The following MRPS28 variants were observed in gnomAD, a reference collection of about 807,000 sequenced individuals.
The protein encoded by MRPS28 is small ribosomal subunit protein bS1m.
A neutral mutation model predicts 10.8 loss-of-function variants in MRPS28; 7 were observed. The ratio of observed to expected loss-of-function variants is 0.65; its 90% CI spans 0.37 to 1.22. The LOEUF (loss-of-function observed/expected upper bound fraction) is 1.22. Ranked by LOEUF, MRPS28 falls within the 50% of genes most tolerant of loss-of-function variation. MRPS28 has a pLI of 0.02. For missense variants in MRPS28, 265 were observed against 232.9 expected (o/e 1.14, Z -0.90); for synonymous variants, 121 against 93.3 (o/e 1.30, Z -1.71).
chr8:79,928,804 T>TG (rs377256456), intron 2 of MRPS28, among the ~76,000 whole-genome samples: 151,096 of 151,116 alleles, frequency 1, 75,538 homozygotes, highest in Middle Eastern at 1. Context: ...CCCAGCACTT[T>TG]GGAGCTGAGT....
chr8:79,964,471 ATGAAATGTCAT>A (rs1807454168), intron 2 of MRPS28, among the ~76,000 whole-genome samples: 1 of 152,130 alleles, frequency 6.6e-6, no homozygotes, highest in Non-Finnish European at 1.5e-5. Flanking sequence ...CAATTGCTAA[ATGAAATGTCAT>A]TTCCCTAAGC....
chr8:80,029,376 T>A (rs1314977021), intron 1 of MRPS28, among the ~76,000 whole-genome samples: 1 of 152,246 alleles, frequency 6.6e-6, no homozygotes, highest in Admixed American at 6.5e-5. Context: ...TCATGTCTGC[T>A]GAGTTTAATT....
At chr8:79,947,711 T>C (rs1806960652) in intron 2 of MRPS28, among the ~76,000 whole-genome samples, 1 of 146,232 alleles carries the variant, frequency 6.8e-6, no homozygotes, top group African/African-American at 2.5e-5. Flanking sequence ...CTCAGGTTAC[T>C]GCAAGCTCCA....
intron 2 of MRPS28, among the ~76,000 whole-genome samples, chr8:79,995,725 A>T (rs1003465263): frequency 6.6e-6 from 1 of 152,190 alleles, no homozygotes; most frequent in Non-Finnish European, 1.5e-5. Flanking sequence ...GGAGTTTAGG[A>T]GCTGTCAGAA....
intron 2 of MRPS28, among the ~76,000 whole-genome samples, chr8:79,953,502 T>G (rs1272956327): frequency 6.6e-6 from 1 of 152,200 alleles, no homozygotes; most frequent in Non-Finnish European, 1.5e-5. Context: ...CTAGGCTAAC[T>G]GGATAATCAT....
intron 2 of MRPS28, among the ~76,000 whole-genome samples, chr8:79,983,817 C>G (rs368563945): frequency 2.6e-5 from 4 of 152,124 alleles, no homozygotes; most frequent in Non-Finnish European, 5.9e-5. Context: ...CTGAAAGTGA[C>G]GGGGAGAATG....
intron 2 of MRPS28, among the ~76,000 whole-genome samples, chr8:79,990,587 A>G (rs1369197268): frequency 6.6e-6 from 1 of 152,124 alleles, no homozygotes; most frequent in Admixed American, 6.5e-5. Flanking sequence ...TAAAACTTCC[A>G]TGTCATGGAA....
intron 2 of MRPS28, among the ~76,000 whole-genome samples, chr8:79,919,894 C>A (rs1351637529): frequency 6.6e-6 from 1 of 151,480 alleles, no homozygotes; most frequent in Non-Finnish European, 1.5e-5. Flanking sequence ...GTGTGCTGCA[C>A]CCATTAACTC....
At chr8:80,029,852 A>C in intron 1 of MRPS28, 184 bp downstream of exon 1, 1 of 1,535,244 alleles carries the variant, frequency 6.5e-7, no homozygotes, top group South Asian at 1.2e-5. Context: ...CAACGAAAGG[A>C]AGAAAAACAC....
Position 80,030,208 on chromosome 8 carries a change from C to G in MRPS28, c.41G>C (p.Ser14Thr). Residue 14 changes from serine to threonine, a missense_variant, in exon 1 of 3, where the codon AGC becomes ACC. Ser to Thr is a moderately conservative substitution (Grantham distance 58, BLOSUM62 1). Transcript: ENST00000276585. ...GAAGAGAAACACTCGCAGAAAATGG[C>G]TCTCGGCAGCCACAGCACGGGTCCG... ...LCRTRAVAAE[S>T]HFLRVFLFFR... 1 of 1,614,216 alleles carries G rather than the reference C, an allele frequency of 6.2e-7. No homozygotes were observed. Among genetic ancestry groups the G allele is most frequent in the Non-Finnish European group, 8.5e-7 (1 of 1,180,046 alleles).
chr8:79,933,770 A>G (rs953210570), intron 2 of MRPS28, among the ~76,000 whole-genome samples: 9 of 152,218 alleles, frequency 5.9e-5, no homozygotes, highest in African/African-American at 2.2e-4. Flanking sequence ...ATTTTATAGA[A>G]TAAGCTGGAA....
intron 2 of MRPS28, among the ~76,000 whole-genome samples, chr8:79,955,384 C>T (rs541971444): frequency 2.6e-5 from 4 of 152,244 alleles, no homozygotes; most frequent in East Asian, 1.9e-4. Flanking sequence ...TTGACTTCTG[C>T]GTGGATATCT....
At chr8:79,965,926 T>A (rs1212965224) in intron 2 of MRPS28, among the ~76,000 whole-genome samples, 1 of 152,034 alleles carries the variant, frequency 6.6e-6, no homozygotes, top group Non-Finnish European at 1.5e-5. Context: ...AAAGTTCATT[T>A]CATAAGGCTC....
chr8:79,978,191 T>A (rs1198152033), intron 2 of MRPS28, among the ~76,000 whole-genome samples: 1 of 152,224 alleles, frequency 6.6e-6, no homozygotes, highest in Non-Finnish European at 1.5e-5. Flanking sequence ...TATTACTTGA[T>A]AATACTTAAC....
chr8:79,931,981 C>CT (rs552481870), intron 2 of MRPS28, among the ~76,000 whole-genome samples: 134 of 152,320 alleles, frequency 8.8e-4, no homozygotes, highest in Admixed American at 1.6e-3. Flanking sequence ...GCCCAAGTGA[C>CT]TGAGGATATG....
chr8:80,003,930 G>C (rs1399360076), intron 1 of MRPS28, among the ~76,000 whole-genome samples: 2 of 152,204 alleles, frequency 1.3e-5, no homozygotes, highest in Non-Finnish European at 1.5e-5. Context: ...GCAGCAACGA[G>C]GCTGGGGGAC....
At chr8:79,919,937 T>TCCCTCCCCCCCCCCCCCCCC (rs57508845) in intron 2 of MRPS28, among the ~76,000 whole-genome samples, 1 of 102,166 alleles carries the variant, frequency 9.8e-6, no homozygotes, top group Non-Finnish European at 1.9e-5. Flanking sequence ...CCTAATGCTA[T>TCCCTCCCCCCCCCCCCCCCC]CCCTCCCCCC....
intron 2 of MRPS28, among the ~76,000 whole-genome samples, chr8:79,940,085 T>C (rs574532996): frequency 2.6e-5 from 4 of 152,290 alleles, no homozygotes; most frequent in South Asian, 2.1e-4. Context: ...GGGGGATATG[T>C]TGAAAGCTGA....
At chr8:80,015,767 A>G (rs1182243680) in intron 1 of MRPS28, among the ~76,000 whole-genome samples, 1 of 152,250 alleles carries the variant, frequency 6.6e-6, no homozygotes, top group African/African-American at 2.4e-5. Context: ...AACTATGATT[A>G]AGACACTAAG....
Sources: gnomAD v4.1 joint callset for allele counts (sites outside exome capture counted in the v4.1 genomes callset) on GRCh38, gnomAD v4.1.1 for gene constraint, MANE v1.5 for transcripts, NCBI Gene and HGNC (gene_info 2026-07-23, HGNC 2026-07-21) for gene names.